The following PRKAR2A variants were observed in gnomAD, a reference collection of about 807,000 sequenced individuals.
PRKAR2A encodes cAMP-dependent protein kinase type II-alpha regulatory subunit.
In PRKAR2A, 29 loss-of-function variants were observed where a neutral mutation model predicts 51.9. That is an observed-to-expected ratio of 0.56 (90% confidence interval 0.42 to 0.76). PRKAR2A has a LOEUF of 0.76. Ranked by LOEUF, PRKAR2A falls within the 30% of genes least tolerant of loss-of-function variation. The pLI is 0.00. For synonymous variants in PRKAR2A, 178 were observed against 186.2 expected, an observed-to-expected ratio of 0.96 and a Z score of 0.36; for missense variants, 445 against 512.1, an observed-to-expected ratio of 0.87 and a Z score of 1.26.
rs540607647 is a variant in PRKAR2A, at chr3:48,813,470, G to A, written c.263-5786C>T. ...CAGCATTTTGGGAGGCCGAGGCGGC[G>A]GATCACGAGGTCAGGAGATTGAGAT... On this transcript the variant is annotated intron_variant, in intron 1 of 10. Coordinates refer to ENST00000265563, the MANE Select transcript of PRKAR2A (RefSeq NM_004157.4). 7.9e-5 allele frequency among the ~76,000 whole-genome samples: 12 copies of A among 152,014 alleles called. No individual in the cohort carries two copies. The South Asian group carries it at 1.0e-3, about 13-fold the overall frequency.
At chr3:48,751,780 T>A in intron 10 of PRKAR2A, 62 bp from the exon 11 acceptor site, 1 of 1,557,664 alleles carries the variant, frequency 6.4e-7, no homozygotes, top group African/African-American at 1.4e-5. Context: ...CATGCAAACC[T>A]TTTCCTAAAC....
Position 48,847,429 on chromosome 3 carries a change from G to C in PRKAR2A, c.168C>G (p.Arg56=). ...CTGGCGGGGGGTGGCCCAGGCTCTGGCGTGGGGTGGCGGCGGGCAGGACTG... is the reference window on the plus strand; with the variant it reads ...CTGGCGGGGGGTGGCCCAGGCTCTGCCGTGGGGTGGCGGCGGGCAGGACTG... The part of the protein sequence containing the change: ...PASVLPAATP[R]QSLGHPPPEP... Residue 56 remains arginine (R), a synonymous_variant, in exon 1 of 11, where the codon CGC becomes CGG. Transcript: ENST00000265563. The surrounding 1 kb of genome is among the most constrained non-coding windows in gnomAD (Gnocchi z 4.4). 6.3e-7 allele frequency: 1 copy of C among 1,586,902 alleles called. No homozygotes were observed. The highest frequency in any genetic ancestry group is 1.1e-5 in the South Asian group (1 of 87,950).
rs548970318 is a variant in PRKAR2A, at chr3:48,836,419, TAAAAAAAAA to T, written c.262+10907_262+10915del. ...CTGGGCGACAGTGCGAGACTCCGTC[TAAAAAAAAA>T]AAAAAAAAAAAAAAAAGAAGAAGAA... On this transcript the variant is annotated intron_variant, in intron 1 of 10. Transcript: ENST00000265563. 1.4e-4 allele frequency among the ~76,000 whole-genome samples: 8 copies of T among 56,094 alleles called. 1 individual carries two copies. The highest frequency in any genetic ancestry group is 3.6e-4 in the African/African-American group (4 of 11,068). The allele number at this position is 56,094 out of a possible 152,430, so 36.8% of individuals were successfully genotyped here. A position where few individuals can be genotyped will look rare whatever the true frequency, so the allele number is the denominator to read the frequency against.
rs927213976 is a variant in PRKAR2A, at chr3:48,749,897, CTT to C, written c.*1686_*1687del. ...ACCTAAAGAATAATTTTTTTTCTTT[CTT>C]TTTTTTTTTTTAAGAGACAGGGTCT... is the stretch of plus-strand genomic sequence containing the variant. On this transcript the variant is annotated 3_prime_UTR_variant, in exon 11 of 11. Coordinates refer to ENST00000265563, the MANE Select transcript of PRKAR2A (RefSeq NM_004157.4). 9.1e-5 allele frequency: 13 copies of C among 143,018 alleles called. No individual in the cohort carries two copies. The highest frequency in any genetic ancestry group is 2.2e-4 in the South Asian group (1 of 4,504). The allele number at this position is 143,018 out of a possible 1,614,324, so 8.9% of individuals were successfully genotyped here.
chr3:48,752,949 TTG>T (rs1465626876), intron 9 of PRKAR2A, among the ~76,000 whole-genome samples: 5 of 105,176 alleles, frequency 4.8e-5, no homozygotes, highest in Admixed American at 4.2e-4. Context: ...TTTTTTTTTT[TTG>T]AGATGGAGTC....
At chr3:48,754,220 A>G (rs184008419) in intron 9 of PRKAR2A, among the ~76,000 whole-genome samples, 12 of 150,212 alleles carry the variant, frequency 8.0e-5, no homozygotes, top group African/African-American at 2.9e-4. Context: ...TTTTCAGTTG[A>G]AACAACAGAT....
At chr3:48,769,153 C>CTTTTT (rs1418956634) in intron 6 of PRKAR2A, among the ~76,000 whole-genome samples, 1 of 46,978 alleles carries the variant, frequency 2.1e-5, no homozygotes, top group African/African-American at 1.1e-4. Context: ...CAACAAATAT[C>CTTTTT]TTTCTTTTTT....
At chr3:48,760,295 T>C (rs1185611643) in intron 8 of PRKAR2A, among the ~76,000 whole-genome samples, 1 of 151,878 alleles carries the variant, frequency 6.6e-6, no homozygotes, top group African/African-American at 2.4e-5. Flanking sequence ...AGGTGGAGGT[T>C]GTAGTCAGCC....
chr3:48,789,657 A>C (rs1288619877), intron 4 of PRKAR2A, among the ~76,000 whole-genome samples: 1 of 151,686 alleles, frequency 6.6e-6, no homozygotes, highest in African/African-American at 2.4e-5. Flanking sequence ...CACCTGGCTA[A>C]TTTTTGTATT....
Position 48,751,172 on chromosome 3 carries a change from T to C in PRKAR2A, c.*413A>G. The C allele has an allele frequency of 1.0e-5, 4 of 384,484 alleles. No individual in the cohort carries two copies. The highest frequency in any genetic ancestry group is 1.5e-5 in the Non-Finnish European group (3 of 194,616). The allele number at this position is 384,484 out of a possible 1,614,324, so 23.8% of individuals were successfully genotyped here. On this transcript the variant is annotated 3_prime_UTR_variant, in exon 11 of 11. Coordinates refer to ENST00000265563, the MANE Select transcript of PRKAR2A (RefSeq NM_004157.4). Reference sequence around the variant, plus strand: ...CTACATTTCCTCCTTTGAGAACCATTAGAGAGTGTCTACAGTTATACAACA... The same window carrying C: ...CTACATTTCCTCCTTTGAGAACCATCAGAGAGTGTCTACAGTTATACAACA...
At chr3:48,771,844 AATTTCAGATAGC>A (rs2082033793) in intron 6 of PRKAR2A, among the ~76,000 whole-genome samples, 5 of 152,254 alleles carry the variant, frequency 3.3e-5, no homozygotes, top group African/African-American at 9.6e-5. Context: ...GTGTTCTATA[AATTTCAGATAGC>A]TTTTGTTAAT....
intron 1 of PRKAR2A, among the ~76,000 whole-genome samples, chr3:48,831,096 G>T (rs911031154): frequency 6.6e-6 from 1 of 152,128 alleles, no homozygotes; most frequent in African/African-American, 2.4e-5. Flanking sequence ...GACCCGGGAT[G>T]TACTATACAT....
intron 4 of PRKAR2A, among the ~76,000 whole-genome samples, chr3:48,789,013 C>T (rs1275982240): frequency 6.6e-6 from 1 of 151,938 alleles, no homozygotes; most frequent in Non-Finnish European, 1.5e-5. Context: ...TTACTACACA[C>T]TGTGGTAAGC....
At position 48,792,455 on chromosome 3, in the gene PRKAR2A, C is replaced by CTTT. The variant is rs983032500; in HGVS notation, c.351+1539_351+1541dup. ...GTGACTGGCCCACTAAAGGTTTAAT[C>CTTT]TTTTTTTTTTTTTTTTTTTTTTTTG... On this transcript the variant is annotated intron_variant, in intron 3 of 10. Coordinates refer to ENST00000265563, the MANE Select transcript of PRKAR2A (RefSeq NM_004157.4). Among the ~76,000 whole-genome samples, 313 of 66,816 alleles carry CTTT rather than the reference C, an allele frequency of 4.7e-3. 8 individuals are homozygous for CTTT. The highest frequency in any genetic ancestry group is 9.8e-3 in the African/African-American group (174 of 17,732). The allele number at this position is 66,816 out of a possible 152,430, so 43.8% of individuals were successfully genotyped here.
At chr3:48,788,263 T>C (rs1478108849) in intron 4 of PRKAR2A, among the ~76,000 whole-genome samples, 5 of 152,102 alleles carry the variant, frequency 3.3e-5, no homozygotes. Flanking sequence ...TCTCTTGACC[T>C]CATGATCCGC....
intron 1 of PRKAR2A, among the ~76,000 whole-genome samples, chr3:48,843,782 T>C (rs1488179791): frequency 6.6e-6 from 1 of 152,138 alleles, no homozygotes; most frequent in Non-Finnish European, 1.5e-5. Context: ...TGGCTAGCCA[T>C]ATGGAGAAAG....
At chr3:48,813,281 TA>T (rs2082808950) in intron 1 of PRKAR2A, among the ~76,000 whole-genome samples, 2 of 149,358 alleles carry the variant, frequency 1.3e-5, no homozygotes, top group South Asian at 4.2e-4. Flanking sequence ...TATGCACGTG[TA>T]GTCCTAGATA....
At chr3:48,762,255 A>AT (rs1204089623) in intron 8 of PRKAR2A, among the ~76,000 whole-genome samples, 2 of 152,112 alleles carry the variant, frequency 1.3e-5, no homozygotes, top group Non-Finnish European at 2.9e-5. Flanking sequence ...CCTGACTGTA[A>AT]TTTTTTTAAA....
intron 1 of PRKAR2A, among the ~76,000 whole-genome samples, chr3:48,826,209 T>C (rs2083061054): frequency 1.3e-5 from 2 of 152,242 alleles, no homozygotes; most frequent in East Asian, 3.9e-4. Context: ...AAGGCTGCAG[T>C]GAGCTATGAT....
Sources: gnomAD v4.1 joint callset for allele counts (sites outside exome capture counted in the v4.1 genomes callset) on GRCh38, gnomAD v4.1.1 for gene constraint, Gnocchi (gnomAD v3.1) non-coding constraint, MANE v1.5 for transcripts, NCBI Gene and HGNC (gene_info 2026-07-23, HGNC 2026-07-21) for gene names.